SBF2: variants seen among roughly 807,000 people sequenced by gnomAD.
SBF2 encodes the protein myotubularin-related protein 13.
A neutral mutation model predicts 225.2 loss-of-function variants in SBF2; 112 were observed. The observed-to-expected ratio is 0.50, with a 90% confidence interval of 0.43 to 0.58. SBF2 has a LOEUF of 0.58. Ranked by LOEUF, SBF2 falls within the 20% of genes least tolerant of loss-of-function variation. The pLI, the probability that SBF2 is intolerant of heterozygous loss-of-function variation, is 0.00. For missense variants in SBF2, 1,996 were observed against 2,206.2 expected (o/e 0.90, Z 1.91); for synonymous variants, 763 against 773.3 (o/e 0.99, Z 0.22).
chr11:9,787,569 G>T, intron 36 of SBF2, 65 bp downstream of exon 36: 1 of 1,371,742 alleles, frequency 7.3e-7, no homozygotes, highest in Non-Finnish European at 1.0e-6. Context: ...GTGGCAGCAG[G>T]CTCCACCTGA....
chr11:9,856,642 G>A lies in SBF2; in HGVS notation c.2179C>T (p.Leu727=), dbSNP rs1564921226. The A allele has an allele frequency of 1.9e-6, 3 of 1,614,076 alleles. No individual in the cohort carries two copies. Among genetic ancestry groups the A allele is most frequent in the Non-Finnish European group, 2.5e-6 (3 of 1,180,036 alleles). The change falls in exon 19 of 40, where the codon CTG becomes TTG. Residue 727 remains leucine, a synonymous_variant. Transcript: ENST00000256190. ...AGCTCTTGCTGAGTTGACTTGCTCAGGGTAGGCCAAAGGCGTAGTTGCTCA... is the reference window on the plus strand; with the variant it reads ...AGCTCTTGCTGAGTTGACTTGCTCAAGGTAGGCCAAAGGCGTAGTTGCTCA... ...AAEQLRLWPT[L]SKSTQQELVQ... is the part of the protein sequence containing the mutation.
At chr11:10,087,148 T>C (rs1951600386) in intron 2 of SBF2, among the ~76,000 whole-genome samples, 2 of 152,196 alleles carry the variant, frequency 1.3e-5, no homozygotes, top group South Asian at 4.1e-4. Context: ...ACTTAAATCT[T>C]CCATCTTCTG....
chr11:9,862,415 G>A (rs967380919), intron 17 of SBF2, among the ~76,000 whole-genome samples: 2 of 152,180 alleles, frequency 1.3e-5, no homozygotes, highest in East Asian at 3.8e-4. Context: ...AAAGTGGGTG[G>A]TAAGGTAAAT....
intron 3 of SBF2, among the ~76,000 whole-genome samples, chr11:10,038,968 A>C (rs1173570653): frequency 6.6e-6 from 1 of 151,896 alleles, no homozygotes; most frequent in Admixed American, 6.6e-5. Flanking sequence ...TTTGCTGATT[A>C]CTTAAAAAAA....
chr11:10,261,790 A>G (rs967315699), intron 1 of SBF2, among the ~76,000 whole-genome samples: 1 of 152,226 alleles, frequency 6.6e-6, no homozygotes, highest in Non-Finnish European at 1.5e-5. Context: ...ATTCAGCAAA[A>G]AAGGGAACAA....
At chr11:10,276,329 T>C (rs1962958257) in intron 1 of SBF2, among the ~76,000 whole-genome samples, 1 of 152,218 alleles carries the variant, frequency 6.6e-6, no homozygotes, top group Non-Finnish European at 1.5e-5. Flanking sequence ...TGCCAAAATA[T>C]CAAGAATTTC....
At chr11:10,197,919 C>T (rs1957435112) in intron 1 of SBF2, among the ~76,000 whole-genome samples, 1 of 152,218 alleles carries the variant, frequency 6.6e-6, no homozygotes, top group South Asian at 2.1e-4. Flanking sequence ...AATTCAGTCA[C>T]ATCTTCAGGC....
At chr11:9,865,346 C>G (rs78243025) in intron 17 of SBF2, among the ~76,000 whole-genome samples, 9,070 of 152,086 alleles carry the variant, frequency 0.06, 330 homozygotes, top group Non-Finnish European at 0.085. Context: ...TTAGTCCTCA[C>G]AACAATCTTA....
rs528105225 is a variant in SBF2 at position 9,789,322 on chromosome 11, G to T, written c.4719C>A (p.Asn1573Lys). The change falls in exon 35 of 40, where the codon AAC (asparagine) becomes AAA (lysine). Residue 1573 changes from asparagine to lysine, a missense_variant. Asn to Lys is a moderately conservative substitution (Grantham distance 94). Coordinates refer to ENST00000256190, the MANE Select transcript of SBF2 (RefSeq NM_030962.4). ...AATCCCACTTCTTGAGGCTAGAGAC[G>T]TTTACATTGGGCTTTAGAGCCTGTT... ...LEIEALKPNV[N>K]VSSLKKWDYY... 1.9e-6 allele frequency: 3 copies of T among 1,613,732 alleles called. No homozygotes were observed. Among genetic ancestry groups the T allele is most frequent in the African/African-American group, 1.3e-5 (1 of 74,888 alleles).
chr11:10,181,966 T>G (rs947662039), intron 2 of SBF2, among the ~76,000 whole-genome samples: 6 of 152,180 alleles, frequency 3.9e-5, no homozygotes, highest in African/African-American at 1.4e-4. Context: ...TGGTGACTTT[T>G]TATAGACACA....
In SBF2 at chr11:9,895,918, T is replaced by C. The variant is rs745607057; in HGVS notation, c.1929+25A>G. On this transcript the variant is annotated intron_variant, in intron 17 of 39. Coordinates refer to ENST00000256190, the MANE Select transcript of SBF2 (RefSeq NM_030962.4). Reference sequence around the variant, plus strand: ...TACATTTATGTAAATCATAACAAGCTTATATATGGACCAATGAAACTTACC... The same window carrying C: ...TACATTTATGTAAATCATAACAAGCCTATATATGGACCAATGAAACTTACC... 5 of 1,531,066 alleles carry C rather than the reference T, an allele frequency of 3.3e-6. No homozygotes were observed. The South Asian group carries it at 3.4e-5, about 10-fold the overall frequency. 94.8% of individuals were successfully genotyped at this position (1,531,066 alleles called of 1,614,324 possible). A position where few individuals can be genotyped will look rare whatever the true frequency, so the allele number is the denominator to read the frequency against.
chr11:10,148,422 A>C (rs1954990445), intron 2 of SBF2, among the ~76,000 whole-genome samples: 1 of 152,168 alleles, frequency 6.6e-6, no homozygotes, highest in African/African-American at 2.4e-5. Flanking sequence ...ATCTGAGTCT[A>C]TCTGTATGCC....
chr11:10,291,744 C>G (rs1326356920), intron 1 of SBF2, among the ~76,000 whole-genome samples: 2 of 151,396 alleles, frequency 1.3e-5, no homozygotes, highest in East Asian at 3.9e-4. Flanking sequence ...TAGTGAGGAA[C>G]AAGATATTTA....
chr11:9,895,586 G>A (rs763437648), intron 17 of SBF2, among the ~76,000 whole-genome samples: 31 of 151,974 alleles, frequency 2.0e-4, no homozygotes, highest in Non-Finnish European at 3.5e-4. Flanking sequence ...GTGGCCCTGG[G>A]ACATAGCAGT....
chr11:9,972,544 G>A (rs182429357), intron 13 of SBF2, among the ~76,000 whole-genome samples: 54 of 152,236 alleles, frequency 3.5e-4, no homozygotes, highest in African/African-American at 1.2e-3. Flanking sequence ...GCAGTGGCGC[G>A]ATCTCTGCTC....
chr11:10,029,859 A>C lies in SBF2; in HGVS notation c.419T>G (p.Ile140Ser). 3 of 1,613,026 alleles carry C rather than the reference A, an allele frequency of 1.9e-6. No homozygotes were observed. Among genetic ancestry groups the C allele is most frequent in the African/African-American group, 1.3e-5 (1 of 75,048 alleles). Residue 140 changes from isoleucine to serine, a missense_variant, in exon 5 of 40, where the codon ATC (isoleucine) becomes AGC (serine). Coordinates refer to ENST00000256190, the MANE Select transcript of SBF2 (RefSeq NM_030962.4). Reference protein sequence around the residue: ...PEIFRACLGLIYTVYVDSLNV... With the variant: ...PEIFRACLGLSYTVYVDSLNV... Reference sequence around the variant, plus strand: ...CAGGCTGTCCACATACACGGTATAGATCAAACCCAGGCAAGCCTGCAAAAA... The same window carrying C: ...CAGGCTGTCCACATACACGGTATAGCTCAAACCCAGGCAAGCCTGCAAAAA...
intron 2 of SBF2, among the ~76,000 whole-genome samples, chr11:10,093,969 C>G (rs1213137681): frequency 6.6e-6 from 1 of 152,126 alleles, no homozygotes; most frequent in Non-Finnish European, 1.5e-5. Flanking sequence ...AAAATACAAA[C>G]AAGGATATTT....
chr11:10,004,031 C>G (rs919647716), intron 6 of SBF2, among the ~76,000 whole-genome samples: 8 of 152,146 alleles, frequency 5.3e-5, no homozygotes, highest in South Asian at 2.1e-4. Context: ...GCTATTCCCT[C>G]TTATCACTTC....
At chr11:10,059,396 TAA>T (rs1047453608) in intron 2 of SBF2, among the ~76,000 whole-genome samples, 2 of 151,288 alleles carry the variant, frequency 1.3e-5, no homozygotes, top group Admixed American at 6.6e-5. Context: ...CCAACAAAGA[TAA>T]AAAAAAGACA....
Sources: allele counts gnomAD v4.1 joint callset (sites outside exome capture counted in the v4.1 genomes callset), GRCh38; gene constraint gnomAD v4.1.1; transcripts MANE v1.5; gene names NCBI Gene and HGNC (gene_info 2026-07-23, HGNC 2026-07-21).